Variants in LDLRAD3 observed in about 807,000 individuals in gnomAD.
The protein encoded by LDLRAD3 is low-density lipoprotein receptor class A domain-containing protein 3.
Under a neutral mutation model 29.4 loss-of-function variants are expected in LDLRAD3, and 20 were observed. The ratio of observed to expected loss-of-function variants is 0.68; its 90% CI spans 0.48 to 0.99. The LOEUF (loss-of-function observed/expected upper bound fraction) is 0.99, where lower values mean the gene tolerates loss of function less well. Among genes scored for constraint, LDLRAD3 ranks in the 50% least tolerant of loss-of-function variants. The pLI is 0.00. For synonymous variants in LDLRAD3, 157 were observed against 192.7 expected (o/e 0.81, Z 1.53); for missense variants, 420 against 454.3 (o/e 0.92, Z 0.69).
At chr11:36,099,513 G>A (rs532586538) in intron 4 of LDLRAD3, among the ~76,000 whole-genome samples, 1 of 152,248 alleles carries the variant, frequency 6.6e-6, no homozygotes, top group African/African-American at 2.4e-5. Context: ...TATGTTCAGT[G>A]TTCTACTGTA....
intron 1 of LDLRAD3, among the ~76,000 whole-genome samples, chr11:35,983,876 C>T (rs1021600862): frequency 3.9e-5 from 6 of 152,122 alleles, no homozygotes; most frequent in Non-Finnish European, 5.9e-5. Flanking sequence ...CCGCCTGCCT[C>T]GGCCTCCCAA....
chr11:36,099,490 G>T (rs1161607286), intron 4 of LDLRAD3, among the ~76,000 whole-genome samples: 3 of 150,772 alleles, frequency 2.0e-5, no homozygotes, highest in African/African-American at 7.3e-5. Context: ...GTTGGAGATT[G>T]TTTGTCTTGA....
Position 36,213,911 on chromosome 11 carries a change from G to A in LDLRAD3, c.455-13174G>A, listed in dbSNP as rs1366944472. 1.3e-5 allele frequency among the ~76,000 whole-genome samples: 2 copies of A among 152,054 alleles called. No homozygotes were observed. The highest frequency in any genetic ancestry group is 2.1e-4 in the South Asian group (1 of 4,818). ...TCTAGTGTGAAGGGTCAGACTCTTC[G>A]TCCAGGTAAAAGGAAACTACAGAAG... On this transcript the variant is annotated intron_variant, in intron 4 of 5. Transcript: ENST00000315571. The surrounding 1 kb of genome is among the most constrained non-coding windows in gnomAD (Gnocchi z 4.1).
intron 5 of LDLRAD3, among the ~76,000 whole-genome samples, 188 bp downstream of exon 5, chr11:36,227,618 T>A (rs1249999075): frequency 6.6e-6 from 1 of 152,206 alleles, no homozygotes; most frequent in African/African-American, 2.4e-5. Context: ...TTAATCCTCT[T>A]AGCACCTCGC....
intron 2 of LDLRAD3, among the ~76,000 whole-genome samples, chr11:36,039,894 G>C (rs1324520256): frequency 6.6e-6 from 1 of 152,244 alleles, no homozygotes; most frequent in African/African-American, 2.4e-5. Flanking sequence ...GTTTCAGCCA[G>C]AGTCAGGGTG....
intron 2 of LDLRAD3, among the ~76,000 whole-genome samples, chr11:36,060,374 AG>A (rs1248186101): frequency 1.3e-5 from 2 of 149,386 alleles, no homozygotes; most frequent in Non-Finnish European, 3.0e-5. Flanking sequence ...AAAAAAAAAA[AG>A]TTATATAACT....
intron 4 of LDLRAD3, among the ~76,000 whole-genome samples, chr11:36,226,066 C>CAAATAAATAAATAAAT (rs3081279): frequency 3.4e-4 from 51 of 148,052 alleles, no homozygotes; most frequent in African/African-American, 1.2e-3. Context: ...GACCCTGTCT[C>CAAATAAATAAATAAAT]AAATAAATAA....
At position 36,103,399 on chromosome 11, in the gene LDLRAD3, A is replaced by G. The variant is rs1317774579; in HGVS notation, c.454+4938A>G. ...ACTACAGGCGCCCACCACCACGCCC[A>G]GCTAATTTTTTTGTATTTTTTAGTA... On this transcript the variant is annotated intron_variant, in intron 4 of 5. Coordinates refer to ENST00000315571, the MANE Select transcript of LDLRAD3 (RefSeq NM_174902.4). 8.6e-5 allele frequency among the ~76,000 whole-genome samples: 13 copies of G among 151,838 alleles called. 1 individual carries two copies. The highest frequency in any genetic ancestry group is 5.9e-4 in the Admixed American group (9 of 15,248).
intron 4 of LDLRAD3, among the ~76,000 whole-genome samples, chr11:36,163,809 C>T (rs575754290): frequency 8.5e-5 from 13 of 152,190 alleles, no homozygotes; most frequent in Middle Eastern, 6.8e-3. Context: ...TATAGATTGA[C>T]GGGATCATGT....
chr11:35,962,084 C>T (rs1286148181), intron 1 of LDLRAD3, among the ~76,000 whole-genome samples: 2 of 152,176 alleles, frequency 1.3e-5, no homozygotes, highest in Non-Finnish European at 2.9e-5. Flanking sequence ...TCCTCATTTT[C>T]ACATTTTCAC....
intron 4 of LDLRAD3, among the ~76,000 whole-genome samples, chr11:36,151,653 T>C (rs569947881): frequency 1.3e-5 from 2 of 152,238 alleles, no homozygotes; most frequent in South Asian, 4.2e-4. Context: ...TTTTTAGTCT[T>C]CCACCTCCTC....
chr11:36,213,679 G>A lies in LDLRAD3; in HGVS notation c.455-13406G>A, dbSNP rs1855314049. ...CACCCTGGGAGTGCCATTGGGGTCA[G>A]GCCTGCTCCCCGCACCTGAGCACAG... On this transcript the variant is annotated intron_variant, in intron 4 of 5. Coordinates refer to ENST00000315571, the MANE Select transcript of LDLRAD3 (RefSeq NM_174902.4). This position sits in a 1 kb window ranked among gnomAD's most constrained non-coding sequence, Gnocchi z 4.1. Among the ~76,000 whole-genome samples, 1 of 152,228 alleles carries A rather than the reference G, an allele frequency of 6.6e-6. No individual in the cohort carries two copies. Among genetic ancestry groups the A allele is most frequent in the Non-Finnish European group, 1.5e-5 (1 of 68,042 alleles).
chr11:35,983,532 C>T (rs1056967958), intron 1 of LDLRAD3, among the ~76,000 whole-genome samples: 1 of 152,198 alleles, frequency 6.6e-6, no homozygotes, highest in Non-Finnish European at 1.5e-5. Context: ...ACACCTAGAC[C>T]CCTGTAGGGG....
chr11:36,051,741 G>C lies in LDLRAD3; in HGVS notation c.193+15492G>C, dbSNP rs74234094. On this transcript the variant is annotated intron_variant, in intron 2 of 5. Transcript: ENST00000315571. ...GAGTGTTATCTTGGTGGCTCAGCAT[G>C]GTGCTGCCAAACAAAAAGAAAGAAA... Among the ~76,000 whole-genome samples, 122 of 151,612 alleles carry C rather than the reference G, an allele frequency of 8.0e-4. 3 individuals carry two copies. The East Asian group carries it at 0.021, about 26-fold the overall frequency.
At chr11:35,978,341 C>T (rs1232794244) in intron 1 of LDLRAD3, among the ~76,000 whole-genome samples, 1 of 152,256 alleles carries the variant, frequency 6.6e-6, no homozygotes, top group African/African-American at 2.4e-5. Flanking sequence ...TGCCTGCCTG[C>T]AGTGCTGCAC....
In LDLRAD3 at chr11:36,229,479, T is replaced by C. The variant is rs1021493607; in HGVS notation, c.*82T>C. The C allele has an allele frequency of 2.0e-6, 2 of 986,444 alleles. No homozygotes were observed. Among genetic ancestry groups the C allele is most frequent in the Non-Finnish European group, 3.1e-6 (2 of 640,956 alleles). The allele number at this position is 986,444 out of a possible 1,614,324, so 61.1% of individuals were successfully genotyped here. A position where few individuals can be genotyped will look rare whatever the true frequency, so the allele number is the denominator to read the frequency against. ...AACAATTTGTGCTCATGGGAAGCTC[T>C]TTAAGCACCTGTAAGGGTGTCTCAA... On this transcript the variant is annotated 3_prime_UTR_variant, in exon 6 of 6. Coordinates refer to ENST00000315571, the MANE Select transcript of LDLRAD3 (RefSeq NM_174902.4).
intron 4 of LDLRAD3, among the ~76,000 whole-genome samples, chr11:36,215,416 C>T (rs1258544034): frequency 6.6e-6 from 1 of 152,152 alleles, no homozygotes. Context: ...TACGGGGAGC[C>T]AGAGTGGAGG....
At chr11:36,144,092 CT>C (rs1854131492) in intron 4 of LDLRAD3, among the ~76,000 whole-genome samples, 2 of 152,060 alleles carry the variant, frequency 1.3e-5, no homozygotes, top group Admixed American at 1.3e-4. Flanking sequence ...CCACGCCTGA[CT>C]GGTTTTCGTA....
At chr11:36,056,456 G>T (rs1245663242) in intron 2 of LDLRAD3, among the ~76,000 whole-genome samples, 2 of 152,144 alleles carry the variant, frequency 1.3e-5, no homozygotes, top group African/African-American at 4.8e-5. Flanking sequence ...ACTGGCTGAG[G>T]CACTTGGGTG....
Sources: allele counts gnomAD v4.1 joint callset (sites outside exome capture counted in the v4.1 genomes callset), GRCh38; gene constraint gnomAD v4.1.1; non-coding constraint Gnocchi (gnomAD v3.1); transcripts MANE v1.5; gene names NCBI Gene and HGNC (gene_info 2026-07-23, HGNC 2026-07-21).